The following GPM6B variants were observed in gnomAD, a reference collection of about 807,000 sequenced individuals.
GPM6B encodes the protein glycoprotein M6B, also known as neuronal membrane glycoprotein M6-b.
A neutral mutation model predicts 27.2 loss-of-function variants in GPM6B; 4 were observed. The ratio of observed to expected loss-of-function variants is 0.15; its 90% confidence interval spans 0.07 to 0.34. The LOEUF is 0.34. Among genes scored for constraint, GPM6B ranks in the 10% least tolerant of loss-of-function variants. GPM6B has a pLI of 1.00. For synonymous variants in GPM6B, 124 were observed against 103.1 expected (o/e 1.20, Z -1.23); for missense variants, 183 against 261.9 (o/e 0.70, Z 2.08).
At chrX:13,798,290 C>G (rs1033325389) in intron 2 of GPM6B, among the ~76,000 whole-genome samples, 2 of 109,421 alleles carry the variant, frequency 1.8e-5, no homozygotes, top group South Asian at 4.0e-4. Context: ...CAGCAAGGCA[C>G]AGCAGAGGCA....
rs137984787 is a variant in GPM6B at position 13,834,066 on chromosome X, G to A, written c.-197-48258C>T. Among the ~76,000 whole-genome samples the A allele has an allele frequency of 3.4e-3, 385 of 112,570 alleles. 4 individuals are homozygous for A. The South Asian group carries it at 0.037, about 11-fold the overall frequency. On this transcript the variant is annotated intron_variant, in intron 1 of 6. Coordinates refer to the GPM6B transcript ENST00000398361. Reference sequence around the variant, plus strand: ...GAGAAGAATTTTGTTCAATTCTTCTGATTATCCGGTCTTATTTGAAATAAA... The same window carrying A: ...GAGAAGAATTTTGTTCAATTCTTCTAATTATCCGGTCTTATTTGAAATAAA...
chrX:13,894,883 GC>G (rs2050218731), intron 1 of GPM6B, among the ~76,000 whole-genome samples: 1 of 111,760 alleles, frequency 8.9e-6, no homozygotes, highest in Non-Finnish European at 1.9e-5. Context: ...ACCAAAGCAG[GC>G]CTCCCATACA....
At chrX:13,799,817 G>C (rs894229013) in intron 2 of GPM6B, among the ~76,000 whole-genome samples, 1 of 111,006 alleles carries the variant, frequency 9.0e-6, no homozygotes, top group African/African-American at 3.3e-5. Flanking sequence ...GAGAGGTGAG[G>C]CTTTGAGAAA....
chrX:13,938,475 G>T, upstream of GPM6B: 1 of 922,399 alleles, frequency 1.1e-6, no homozygotes, highest in Non-Finnish European at 1.4e-6. Context: ...GCGAGACCGT[G>T]GCCGTGGCGC....
At chrX:13,837,656 C>T (rs974958972) in intron 1 of GPM6B, among the ~76,000 whole-genome samples, 4 of 106,058 alleles carry the variant, frequency 3.8e-5, no homozygotes, top group Non-Finnish European at 7.9e-5. Flanking sequence ...TTAGCATATT[C>T]CCCCCCTCCA....
chrX:13,884,118 C>T (rs1255602551), intron 1 of GPM6B, among the ~76,000 whole-genome samples: 1 of 111,835 alleles, frequency 8.9e-6, no homozygotes, highest in Non-Finnish European at 1.9e-5. Context: ...GCAGAGGTTG[C>T]GGTGAGCCGA....
intron 1 of GPM6B, among the ~76,000 whole-genome samples, chrX:13,898,975 T>A (rs2050256823): frequency 8.9e-6 from 1 of 112,081 alleles, no homozygotes; most frequent in Non-Finnish European, 1.9e-5. Context: ...ATACAGAACA[T>A]GCCTTTTCAA....
chrX:13,772,685 T>G lies in GPM6B; in HGVS notation c.*196A>C, dbSNP rs1240052987. The G allele has an allele frequency of 5.5e-6, 2 of 362,948 alleles. No homozygotes were observed. Among genetic ancestry groups the G allele is most frequent in the African/African-American group, 5.1e-5 (2 of 39,266 alleles). 29.9% of individuals were successfully genotyped at this position (362,948 alleles called of 1,213,427 possible). A position where few individuals can be genotyped will look rare whatever the true frequency, so the allele number is the denominator to read the frequency against. The stretch of plus-strand genomic sequence containing the variant: ...CTTTTAAAATGGCTAACATGAAACC[T>G]CCAATATTTGTTCTAAAGAAAAAGA... On this transcript the variant is annotated 3_prime_UTR_variant, in exon 8 of 8. Coordinates refer to ENST00000316715, the MANE Select transcript of GPM6B (RefSeq NM_001001995.3).
At position 13,838,428 on chromosome X, in the gene GPM6B, G is replaced by T. The variant is rs142957806; in HGVS notation, c.-197-52620C>A. On this transcript the variant is annotated intron_variant, in intron 1 of 6. Transcript: ENST00000398361. Reference sequence around the variant, plus strand: ...GGACTGCATCTCAATTTGAGGGTGAGAAATTAAGATTCATCTGGCTCAGAC... The same window carrying T: ...GGACTGCATCTCAATTTGAGGGTGATAAATTAAGATTCATCTGGCTCAGAC... 6.2e-5 allele frequency among the ~76,000 whole-genome samples: 7 copies of T among 112,782 alleles called. No homozygotes were observed. In the East Asian group the frequency reaches 1.7e-3, roughly 27 times the overall value.
At chrX:13,876,834 C>G (rs1019144240) in intron 1 of GPM6B, among the ~76,000 whole-genome samples, 1 of 110,450 alleles carries the variant, frequency 9.1e-6, no homozygotes, top group Non-Finnish European at 1.9e-5. Flanking sequence ...CTGGCAACGT[C>G]TGAGGTGACA....
chrX:13,778,056 T>G (rs1243683786), intron 5 of GPM6B, among the ~76,000 whole-genome samples: 5 of 68,878 alleles, frequency 7.3e-5, no homozygotes, highest in Non-Finnish European at 1.7e-4. Flanking sequence ...ATTGGTTTGT[T>G]TTTTTTTTTT....
At chrX:13,933,068 T>C (rs1921657347) in intron 1 of GPM6B, among the ~76,000 whole-genome samples, 1 of 111,830 alleles carries the variant, frequency 8.9e-6, no homozygotes, top group Admixed American at 9.5e-5. Context: ...TACCAGAGTT[T>C]GCAGTACATC....
chrX:13,772,729 T>G lies in GPM6B; in HGVS notation c.*152A>C. The G allele has an allele frequency of 7.1e-6, 3 of 421,848 alleles. No individual in the cohort carries two copies. Among genetic ancestry groups the G allele is most frequent in the Non-Finnish European group, 1.2e-5 (3 of 258,803 alleles). The allele number at this position is 421,848 out of a possible 1,213,427, so 34.8% of individuals were successfully genotyped here. ...AAAAAGATTTACCCACTGGAAGGTT[T>G]TCCTAGAGATACATCCCAGCAGCTT... is the stretch of plus-strand genomic sequence containing the variant. On this transcript the variant is annotated 3_prime_UTR_variant, in exon 8 of 8. Coordinates refer to ENST00000316715, the MANE Select transcript of GPM6B (RefSeq NM_001001995.3).
chrX:13,913,663 G>A (rs1361139231), intron 1 of GPM6B, among the ~76,000 whole-genome samples: 1 of 111,784 alleles, frequency 8.9e-6, no homozygotes. Flanking sequence ...TGTCTTGTTC[G>A]GTCTTAATTT....
intron 1 of GPM6B, among the ~76,000 whole-genome samples, chrX:13,899,550 T>C (rs1241229316): frequency 1.8e-5 from 2 of 109,761 alleles, no homozygotes; most frequent in Non-Finnish European, 3.8e-5. Context: ...GGTAAATGGA[T>C]GGATTGTCAG....
chrX:13,838,923 G>T (rs2049538282), intron 1 of GPM6B, among the ~76,000 whole-genome samples: 2 of 111,289 alleles, frequency 1.8e-5, no homozygotes, highest in African/African-American at 3.3e-5. Context: ...CTGCCAAGGG[G>T]ACTCCAAAGT....
intron 2 of GPM6B, among the ~76,000 whole-genome samples, chrX:13,792,159 G>C (rs1332459611): frequency 8.9e-6 from 1 of 111,752 alleles, no homozygotes; most frequent in Non-Finnish European, 1.9e-5. Flanking sequence ...ATTCTCAACA[G>C]GGGGTGACTG....
At chrX:13,893,495 A>T (rs1382922898) in intron 1 of GPM6B, among the ~76,000 whole-genome samples, 5 of 111,769 alleles carry the variant, frequency 4.5e-5, no homozygotes, top group South Asian at 7.4e-4. Flanking sequence ...ATGACAATTT[A>T]TATCATGTAC....
upstream of GPM6B, among the ~76,000 whole-genome samples, chrX:13,818,795 A>G (rs1306118580): frequency 8.9e-6 from 1 of 112,624 alleles, no homozygotes; most frequent in African/African-American, 3.2e-5. Flanking sequence ...TGCAAAGACT[A>G]CTTAGGTCCA....
Sources: allele counts gnomAD v4.1 joint callset (sites outside exome capture counted in the v4.1 genomes callset), GRCh38; gene constraint gnomAD v4.1.1; transcripts MANE v1.5; gene names NCBI Gene and HGNC (gene_info 2026-07-23, HGNC 2026-07-21).